MGA: variants seen among roughly 807,000 people sequenced by gnomAD.
MGA encodes MAX dimerization protein MGA, also known as MAX gene-associated protein.
MGA carries 40 observed loss-of-function variants against 261.1 expected under a neutral mutation model. The ratio of observed to expected loss-of-function variants is 0.15; its 90% confidence interval spans 0.12 to 0.20. MGA has a LOEUF of 0.20. Among genes scored for constraint, MGA ranks in the 10% least tolerant of loss-of-function variants. The probability of loss-of-function intolerance (pLI) is 1.00; values close to 1 mark genes in which losing one functional copy is unlikely to be tolerated. For missense variants in MGA, 3,397 were observed against 3,630.5 expected (o/e 0.94, Z 1.65); for synonymous variants, 1,302 against 1,290.6 (o/e 1.01, Z -0.19).
chr15:41,648,428 T>A (rs2056976445), intron 1 of MGA, among the ~76,000 whole-genome samples: 1 of 152,248 alleles, frequency 6.6e-6, no homozygotes, highest in Non-Finnish European at 1.5e-5. Flanking sequence ...TAGCTGTTAT[T>A]CATGGAGGAG....
At chr15:41,690,554 A>C (rs2059222667) in intron 2 of MGA, among the ~76,000 whole-genome samples, 1 of 152,056 alleles carries the variant, frequency 6.6e-6, no homozygotes, top group Non-Finnish European at 1.5e-5. Context: ...TCTAGTCTTA[A>C]TGTCAATATC....
rs1363096695 is a variant in MGA, at chr15:41,699,085, A to G, written c.2114A>G (p.Gln705Arg). Residue 705 changes from glutamine to arginine, a missense_variant, in exon 5 of 24, where the codon CAG (glutamine) becomes CGG (arginine). Around this residue, in one of 9 missense-constraint regions of MGA, gnomAD observed 563 missense variants for 563.6 expected, o/e 1.00. Transcript: ENST00000219905. ...GTAGGTTACAGAGCAAGAATTTCCC[A>G]GTTGGAAAAGGAATTGATAGAAGAT... The G allele has an allele frequency of 6.2e-7, 1 of 1,611,910 alleles. No individual in the cohort carries two copies. The highest frequency in any genetic ancestry group is 1.1e-5 in the South Asian group (1 of 90,484).
intron 9 of MGA, among the ~76,000 whole-genome samples, chr15:41,721,916 A>G (rs1460846470): frequency 6.6e-6 from 1 of 152,206 alleles, no homozygotes; most frequent in African/African-American, 2.4e-5. Context: ...TTAAAACCTG[A>G]AAACAACCCC....
intron 19 of MGA, among the ~76,000 whole-genome samples, chr15:41,759,458 G>A (rs1345600410): frequency 1.5e-5 from 2 of 136,800 alleles, no homozygotes; most frequent in African/African-American, 2.6e-5. Flanking sequence ...GTGTGTGTGT[G>A]TGTGTATTTT....
intron 18 of MGA, among the ~76,000 whole-genome samples, chr15:41,754,773 A>G (rs1027262281): frequency 3.3e-5 from 5 of 152,164 alleles, no homozygotes; most frequent in Non-Finnish European, 4.4e-5. Context: ...GTAAATGTGA[A>G]TAACATGCTT....
At position 41,698,929 on chromosome 15, in the gene MGA, A is replaced by G. The variant is rs866668152; in HGVS notation, c.2080A>G (p.Thr694Ala). 3.9e-6 allele frequency: 6 copies of G among 1,550,784 alleles called. No individual in the cohort carries two copies. Among genetic ancestry groups the G allele is most frequent in the Non-Finnish European group, 5.2e-6 (6 of 1,146,502 alleles). The change falls in exon 4 of 24, where the codon ACA becomes GCA. Residue 694 changes from threonine (T) to alanine (A), a missense_variant. Transcript: ENST00000219905. ...ATCTTCTAGTCTCCAGGCATCAACC[A>G]CAAATGACTCAGGTATTATAAAATA...
chr15:41,763,924 G>C (rs1451618829), intron 22 of MGA, among the ~76,000 whole-genome samples: 1 of 152,120 alleles, frequency 6.6e-6, no homozygotes, highest in African/African-American at 2.4e-5. Context: ...TAGGGAGGCA[G>C]AGGCAGGAGG....
At chr15:41,638,327 G>A (rs1272614144) in intron 1 of MGA, among the ~76,000 whole-genome samples, 1 of 151,338 alleles carries the variant, frequency 6.6e-6, no homozygotes, top group African/African-American at 2.4e-5. Context: ...ATGGGCATGT[G>A]CCTGGCCAGA....
chr15:41,722,382 G>A (rs913598522), intron 9 of MGA, among the ~76,000 whole-genome samples: 1 of 152,096 alleles, frequency 6.6e-6, no homozygotes, highest in Non-Finnish European at 1.5e-5. Flanking sequence ...GCCTGCCTCG[G>A]CCTCCCAAAG....
At chr15:41,673,528 TTTTC>T (rs1179101473) in intron 2 of MGA, among the ~76,000 whole-genome samples, 5 of 143,896 alleles carry the variant, frequency 3.5e-5, no homozygotes, top group African/African-American at 7.6e-5. Context: ...GTTGTAGTCT[TTTTC>T]TTTCTTTCTT....
Position 41,669,042 on chromosome 15 carries a change from T to G in MGA, c.148T>G (p.Leu50Val). ...GGTTACTAATCAGGATGCCTGTGCT[T>G]TGGCTAGTAGTGTGTCATCACCAGT... Residue 50 changes from leucine to valine, a missense_variant, in exon 2 of 24, where the codon TTG becomes GTG. Transcript: ENST00000219905. 1.2e-6 allele frequency: 2 copies of G among 1,613,416 alleles called. No individual in the cohort carries two copies. Among genetic ancestry groups the G allele is most frequent in the Non-Finnish European group, 1.7e-6 (2 of 1,179,414 alleles).
chr15:41,640,482 T>C (rs2056799022), intron 1 of MGA, among the ~76,000 whole-genome samples: 1 of 152,216 alleles, frequency 6.6e-6, no homozygotes, highest in East Asian at 1.9e-4. Flanking sequence ...ACCTTAGTTT[T>C]GTGACATTAG....
intron 7 of MGA, among the ~76,000 whole-genome samples, chr15:41,709,909 C>T (rs531280140): frequency 3.3e-5 from 5 of 151,742 alleles, no homozygotes; most frequent in South Asian, 2.1e-4. Flanking sequence ...GCAACCTCCC[C>T]GTCTCGGGTT....
chr15:41,622,043 G>A (rs981180685), intron 1 of MGA, among the ~76,000 whole-genome samples: 4 of 151,996 alleles, frequency 2.6e-5, no homozygotes, highest in Non-Finnish European at 5.9e-5. Flanking sequence ...GGTAGGGGGA[G>A]GGTGGGGGGC....
intron 11 of MGA, among the ~76,000 whole-genome samples, chr15:41,731,432 ACT>A (rs1263578311): frequency 1.5e-4 from 23 of 152,038 alleles, no homozygotes; most frequent in Non-Finnish European, 2.9e-5. Flanking sequence ...TTTCATAAAA[ACT>A]CTTTAAAATA....
intron 5 of MGA, among the ~76,000 whole-genome samples, chr15:41,706,600 A>G: frequency 2.1e-5 from 1 of 48,372 alleles, no homozygotes; most frequent in South Asian, 6.0e-4. Flanking sequence ...TTTTTTTTTG[A>G]GATAGAGTCT....
intron 2 of MGA, among the ~76,000 whole-genome samples, chr15:41,673,764 A>G (rs1326235251): frequency 1.3e-5 from 2 of 151,722 alleles, no homozygotes; most frequent in Middle Eastern, 3.4e-3. Flanking sequence ...ACTGGTCTCG[A>G]ACTCATGACC....
intron 2 of MGA, among the ~76,000 whole-genome samples, chr15:41,686,877 T>G (rs914435527): frequency 6.6e-6 from 1 of 152,220 alleles, no homozygotes; most frequent in Non-Finnish European, 1.5e-5. Context: ...TTCAATTTGC[T>G]AATATTTTAT....
chr15:41,739,272 C>G (rs905661725), intron 13 of MGA, among the ~76,000 whole-genome samples: 4 of 152,078 alleles, frequency 2.6e-5, no homozygotes, highest in African/African-American at 9.7e-5. Context: ...TTAATTATGT[C>G]TAGAATAAGA....
Sources: gnomAD v4.1 joint callset for allele counts (sites outside exome capture counted in the v4.1 genomes callset) on GRCh38, gnomAD v4.1.1 for gene constraint, gnomAD v4.1.1 regional missense constraint, MANE v1.5 for transcripts, NCBI Gene and HGNC (gene_info 2026-07-23, HGNC 2026-07-21) for gene names.